Variants in ARAP2 observed in about 807,000 individuals in gnomAD.
ARAP2 encodes ArfGAP with RhoGAP domain, ankyrin repeat and PH domain 2.
In ARAP2, 148 loss-of-function variants were observed where a neutral mutation model predicts 194.5. The observed-to-expected ratio is 0.76, with a 90% CI of 0.67 to 0.87. ARAP2 has a LOEUF of 0.87. Ranked by LOEUF, ARAP2 falls within the 40% of genes least tolerant of loss-of-function variation. ARAP2 has a pLI of 0.00. For synonymous variants in ARAP2, 695 were observed against 683.5 expected (o/e 1.02, Z -0.26); for missense variants, 2,128 against 1,989.7 (o/e 1.07, Z -1.32).
intron 26 of ARAP2, among the ~76,000 whole-genome samples, chr4:36,112,590 T>G (rs375879018): frequency 1.3e-5 from 2 of 151,752 alleles, no homozygotes; most frequent in East Asian, 3.9e-4. Context: ...AAATAAAAAC[T>G]TTGTCACCCT....
At chr4:36,027,068 C>T (rs1212580481) in intron 5 of ARAP2, among the ~76,000 whole-genome samples, 1 of 152,160 alleles carries the variant, frequency 6.6e-6, no homozygotes, top group Non-Finnish European at 1.5e-5. Context: ...GTGAACTGGT[C>T]CTTGAATAAT....
At chr4:36,239,927 C>T (rs1020189723) in intron 1 of ARAP2, among the ~76,000 whole-genome samples, 1 of 152,128 alleles carries the variant, frequency 6.6e-6, no homozygotes. Flanking sequence ...ACACCACATT[C>T]GTGAGGCTTC....
At chr4:36,126,644 C>T (rs1243138972) in intron 21 of ARAP2, among the ~76,000 whole-genome samples, 2 of 151,954 alleles carry the variant, frequency 1.3e-5, no homozygotes, top group Non-Finnish European at 2.9e-5. Context: ...ATACTGTTGG[C>T]AAAAGCAAAG....
intron 2 of ARAP2, among the ~76,000 whole-genome samples, chr4:36,217,608 A>G (rs754821711): frequency 6.6e-6 from 1 of 152,062 alleles, no homozygotes; most frequent in Non-Finnish European, 1.5e-5. Context: ...TGACATATAA[A>G]TATCAATTCC....
chr4:36,177,702 T>G, intron 9 of ARAP2, 125 bp downstream of exon 9: 2 of 879,732 alleles, frequency 2.3e-6, no homozygotes, highest in Non-Finnish European at 3.2e-6. Flanking sequence ...TTTGGTATAT[T>G]TAGTGGAGTA....
At chr4:36,096,388 GA>G (rs1253628941) in intron 27 of ARAP2, among the ~76,000 whole-genome samples, 1 of 135,760 alleles carries the variant, frequency 7.4e-6, no homozygotes, top group Non-Finnish European at 1.5e-5. Flanking sequence ...AAAGAAAAAG[GA>G]AAAAAGTAGT....
chr4:36,033,623 T>C (rs1461020063), intron 5 of ARAP2, among the ~76,000 whole-genome samples: 2 of 152,164 alleles, frequency 1.3e-5, no homozygotes, highest in Non-Finnish European at 2.9e-5. Flanking sequence ...TGATTGTTTC[T>C]TTTGCTGTGC....
At chr4:36,159,244 C>T (rs1389082041) in intron 14 of ARAP2, 87 bp downstream of exon 14, 9 of 1,298,390 alleles carry the variant, frequency 6.9e-6, no homozygotes, top group African/African-American at 1.5e-5. Context: ...GATGGTTTCT[C>T]TTATTTGAAA....
chr4:36,110,901 C>T (rs1719802589), intron 26 of ARAP2, among the ~76,000 whole-genome samples: 1 of 151,918 alleles, frequency 6.6e-6, no homozygotes, highest in African/African-American at 2.4e-5. Context: ...AATCTATTTG[C>T]ATCATCTTCA....
chr4:36,093,470 T>C (rs1168336146), intron 27 of ARAP2, among the ~76,000 whole-genome samples: 1 of 152,126 alleles, frequency 6.6e-6, no homozygotes, highest in African/African-American at 2.4e-5. Flanking sequence ...ATTGATTACC[T>C]ATTAGACATC....
chr4:36,151,043 C>A lies in ARAP2; in HGVS notation c.2754G>T (p.Glu918Asp). ...KLSSEKKLLEETNKKWCVLEG... is the reference protein window; with the variant it reads ...KLSSEKKLLEDTNKKWCVLEG... Reference sequence around the variant, plus strand: ...CCAAAACACACCATTTTTTATTTGTCTCTAAGAATTTGAAACAAAACAAAT... The same window carrying A: ...CCAAAACACACCATTTTTTATTTGTATCTAAGAATTTGAAACAAAACAAAT... The change falls in exon 16 of 33, where the codon GAG (glutamate) becomes GAT (aspartate). Residue 918 changes from glutamate to aspartate, a missense_variant and splice_region_variant. Physicochemically the swap from Glu to Asp is conservative, Grantham distance 45 (BLOSUM62 2). Coordinates refer to ENST00000303965, the MANE Select transcript of ARAP2 (RefSeq NM_015230.4). The A allele has an allele frequency of 6.3e-7, 1 of 1,584,302 alleles. No homozygotes were observed. Among genetic ancestry groups the A allele is most frequent in the South Asian group, 1.2e-5 (1 of 83,650 alleles).
In ARAP2 at chr4:36,121,275, C is replaced by T. The variant is rs761671346; in HGVS notation, c.3798G>A (p.Leu1266=). ...TTTGAAACAAACAGGATGAAAAGACCAAGGCCAAATTATGGGCATTCATGT... is the reference window on the plus strand; with the variant it reads ...TTTGAAACAAACAGGATGAAAAGACTAAGGCCAAATTATGGGCATTCATGT... ...INHMNAHNLA[L]VFSSCLFQTK... Residue 1266 remains leucine (L), a synonymous_variant, in exon 23 of 33, where the codon TTG becomes TTA. Coordinates refer to ENST00000303965, the MANE Select transcript of ARAP2 (RefSeq NM_015230.4). The T allele has an allele frequency of 1.1e-5, 17 of 1,604,816 alleles. No individual in the cohort carries two copies. The highest frequency in any genetic ancestry group is 1.4e-5 in the Non-Finnish European group (16 of 1,174,778).
At chr4:36,051,291 CAACATGGTGA>C (rs1188044374) in intron 3 of ARAP2, among the ~76,000 whole-genome samples, 1 of 152,002 alleles carries the variant, frequency 6.6e-6, no homozygotes, top group Non-Finnish European at 1.5e-5. Context: ...CAAGCCTGGC[CAACATGGTGA>C]AACCCCTTCT....
chr4:36,023,796 T>C (rs1717424688), intron 5 of ARAP2, among the ~76,000 whole-genome samples: 1 of 152,192 alleles, frequency 6.6e-6, no homozygotes, highest in Admixed American at 6.6e-5. Flanking sequence ...GATGCGAAAC[T>C]TAATTGGAAA....
At chr4:36,090,739 A>C (rs1179171111) in intron 28 of ARAP2, among the ~76,000 whole-genome samples, 1 of 152,110 alleles carries the variant, frequency 6.6e-6, no homozygotes, top group Non-Finnish European at 1.5e-5. Context: ...GAGGGGAACA[A>C]CACCCACTGG....
chr4:36,146,186 C>T (rs1347427301), intron 19 of ARAP2, among the ~76,000 whole-genome samples: 3 of 151,986 alleles, frequency 2.0e-5, no homozygotes, highest in Non-Finnish European at 2.9e-5. Context: ...CCTGACACCT[C>T]TAACTTCACG....
intron 12 of ARAP2, among the ~76,000 whole-genome samples, 200 bp downstream of exon 12, chr4:36,161,265 A>C (rs1016376455): frequency 6.6e-6 from 1 of 152,238 alleles, no homozygotes. Context: ...CTATACTTTT[A>C]AAATAACTAT....
rs186702836 is a variant in ARAP2, at chr4:36,152,308, A to C, written c.2753-1264T>G. ...CCAGGGCCCTCAAATCTTGAGTCAC[A>C]GTGTATGTCCTGCACAGTTAGATAA... On this transcript the variant is annotated intron_variant, in intron 15 of 32. Transcript: ENST00000303965. Among the ~76,000 whole-genome samples, 60 of 152,358 alleles carry C rather than the reference A, an allele frequency of 3.9e-4. 2 individuals carry two copies. The highest frequency in any genetic ancestry group is 3.7e-3 in the Admixed American group (56 of 15,310).
chr4:36,162,016 G>A (rs1431344714), intron 11 of ARAP2, among the ~76,000 whole-genome samples: 1 of 151,708 alleles, frequency 6.6e-6, no homozygotes, highest in Non-Finnish European at 1.5e-5. Context: ...GCTGAGGCAG[G>A]AGAATGGCGT....
Sources: allele counts gnomAD v4.1 joint callset (sites outside exome capture counted in the v4.1 genomes callset), GRCh38; gene constraint gnomAD v4.1.1; transcripts MANE v1.5; gene names NCBI Gene and HGNC (gene_info 2026-07-23, HGNC 2026-07-21).